The following RPP14 variants were observed in gnomAD, a reference collection of about 807,000 sequenced individuals.
The protein encoded by RPP14 is ribonuclease P/MRP subunit p14, also known as ribonuclease P protein subunit p14.
In RPP14, 19 loss-of-function variants were observed where a neutral mutation model predicts 17.8. The ratio of observed to expected loss-of-function variants is 1.07; its 90% CI spans 0.74 to 1.57. The LOEUF (loss-of-function observed/expected upper bound fraction) is 1.57, where lower values mean the gene tolerates loss of function less well. RPP14 is among the 40% of genes most tolerant of loss of function. The probability of loss-of-function intolerance (pLI) is 0.00; values close to 1 mark genes in which losing one functional copy is unlikely to be tolerated. For synonymous variants in RPP14, 60 were observed against 56.4 expected, an observed-to-expected ratio of 1.06 and a Z score of -0.29; for missense variants, 125 against 140.8, an observed-to-expected ratio of 0.89 and a Z score of 0.57.
intron 3 of RPP14, among the ~76,000 whole-genome samples, chr3:58,316,233 A>G (rs1207572535): frequency 1.3e-5 from 2 of 152,226 alleles, no homozygotes; most frequent in Non-Finnish European, 1.5e-5. Flanking sequence ...GTCCTGTACA[A>G]GAAAGAACAT....
intron 1 of RPP14, 179 bp from the exon 2 acceptor site, chr3:58,310,130 G>A (rs1334518996): frequency 2.1e-5 from 12 of 572,630 alleles, no homozygotes; most frequent in Non-Finnish European, 3.7e-5. Context: ...AGCCTCGAGA[G>A]CCAGAGGTGG....
intron 3 of RPP14, 143 bp from the exon 4 acceptor site, chr3:58,316,372 A>G: frequency 1.5e-6 from 1 of 679,914 alleles, no homozygotes; most frequent in Non-Finnish European, 2.6e-6. Context: ...AGCTGTAAGT[A>G]GGCAACTAAA....
chr3:58,316,849 C>T, intron 4 of RPP14, 66 bp from the exon 5 acceptor site: 4 of 1,324,974 alleles, frequency 3.0e-6, no homozygotes, highest in Non-Finnish European at 4.3e-6. Context: ...ATTTTAGAAA[C>T]CTTAGTTGAA....
At chr3:58,306,584 C>G (rs1199691093) in intron 1 of RPP14, 167 bp downstream of exon 1, 2 of 152,024 alleles carry the variant, frequency 1.3e-5, no homozygotes, top group Admixed American at 1.3e-4. Flanking sequence ...GGCCGCAGAA[C>G]GTGGCCGAGA....
intron 5 of RPP14, 33 bp downstream of exon 5, chr3:58,317,026 G>A: frequency 6.7e-7 from 1 of 1,485,884 alleles, no homozygotes; most frequent in African/African-American, 1.4e-5. Context: ...TTCCAAACAA[G>A]ACTGAGTGAT....
chr3:58,311,163 G>A (rs374358136), intron 3 of RPP14, among the ~76,000 whole-genome samples: 1 of 125,378 alleles, frequency 8.0e-6, no homozygotes, highest in South Asian at 2.6e-4. Context: ...TGTTGTTGTT[G>A]TTTTTCTTTG....
intron 3 of RPP14, among the ~76,000 whole-genome samples, chr3:58,313,695 T>A (rs1348840953): frequency 3.3e-5 from 5 of 152,196 alleles, no homozygotes; most frequent in African/African-American, 1.2e-4. Flanking sequence ...TGTGGTGGTG[T>A]GCACTGATAG....
intron 3 of RPP14, among the ~76,000 whole-genome samples, chr3:58,311,480 T>C (rs1271631312): frequency 6.6e-6 from 1 of 152,180 alleles, no homozygotes; most frequent in East Asian, 1.9e-4. Context: ...CTCTCACATA[T>C]GAGTGAGAAC....
intron 3 of RPP14, among the ~76,000 whole-genome samples, chr3:58,312,051 G>T (rs932335358): frequency 6.6e-6 from 1 of 151,336 alleles, no homozygotes; most frequent in Non-Finnish European, 1.5e-5. Context: ...TACTTGTAGA[G>T]GCAAGGTCTC....
In RPP14 at chr3:58,306,405, C is replaced by A. The variant is rs1348079368; in HGVS notation, c.-34C>A. The A allele has an allele frequency of 1.3e-5, 2 of 152,318 alleles. No individual in the cohort carries two copies. The highest frequency in any genetic ancestry group is 4.8e-5 in the African/African-American group (2 of 41,480). 9.4% of individuals were successfully genotyped at this position (152,318 alleles called of 1,614,324 possible). Reference sequence around the variant, plus strand: ...AGTCTGGTCAGGCGTCAGGCTAGTCCGACGAAGAGTGGGTAGGTGGAAGCC... The same window carrying A: ...AGTCTGGTCAGGCGTCAGGCTAGTCAGACGAAGAGTGGGTAGGTGGAAGCC... On this transcript the variant is annotated 5_prime_UTR_variant, in exon 1 of 6. Coordinates refer to ENST00000295959, the MANE Select transcript of RPP14 (RefSeq NM_007042.6).
At position 58,310,376 on chromosome 3, in the gene RPP14, C is replaced by G. The variant is rs1045927264; in HGVS notation, c.47C>G (p.Pro16Arg). The G allele has an allele frequency of 6.2e-7, 1 of 1,614,162 alleles. No homozygotes were observed. The highest frequency in any genetic ancestry group is 1.3e-5 in the African/African-American group (1 of 75,038). ...ATYERVVYKN[P>R]SEYHYMKVCL... ...TATGAAAGAGTAGTTTACAAAAACC[C>G]TTCCGAGTACCACTACATGAAAGTC... Residue 16 changes from proline (P) to arginine (R), a missense_variant, in exon 2 of 6, where the codon CCT becomes CGT. Physicochemically the swap from Pro to Arg is moderately radical, Grantham distance 103 (BLOSUM62 -2). Transcript: ENST00000295959.
intron 5 of RPP14, 87 bp downstream of exon 5, chr3:58,317,080 C>A: frequency 2.1e-6 from 2 of 956,928 alleles, no homozygotes; most frequent in Non-Finnish European, 3.3e-6. Context: ...TTTGTGCTTG[C>A]ATAAATGTAA....
intron 1 of RPP14, among the ~76,000 whole-genome samples, chr3:58,307,049 A>C (rs1182946753): frequency 6.6e-6 from 1 of 152,138 alleles, no homozygotes; most frequent in African/African-American, 2.4e-5. Flanking sequence ...GGCTGCCTGG[A>C]GGAAGATCTT....
chr3:58,312,352 C>T (rs1260766822), intron 3 of RPP14, among the ~76,000 whole-genome samples: 2 of 139,264 alleles, frequency 1.4e-5, no homozygotes, highest in South Asian at 2.7e-4. Flanking sequence ...CCGCCCCTCC[C>T]GGATTCAAGT....
At chr3:58,310,686 A>T in intron 3 of RPP14, 95 bp downstream of exon 3, 1 of 1,023,956 alleles carries the variant, frequency 9.8e-7, no homozygotes, top group Non-Finnish European at 1.5e-6. Flanking sequence ...TAATCCCAGC[A>T]CTTTGGAGGC....
At chr3:58,316,481 G>C (rs2097488362) in intron 3 of RPP14, 34 bp from the exon 4 acceptor site, 1 of 1,573,390 alleles carries the variant, frequency 6.4e-7, no homozygotes, top group Non-Finnish European at 8.7e-7. Context: ...ATAATGGTGA[G>C]AATAGCCTGC....
At chr3:58,306,798 T>G (rs9871725) in intron 1 of RPP14, 10,735 of 152,178 alleles carry the variant, frequency 0.071, 497 homozygotes, top group South Asian at 0.1. Context: ...TTTAGGGCCT[T>G]GGGAAACAGC....
chr3:58,307,192 G>A (rs772326597), intron 1 of RPP14, among the ~76,000 whole-genome samples: 46 of 152,366 alleles, frequency 3.0e-4, no homozygotes, highest in Admixed American at 3.9e-4. Context: ...GAAGTCAGAG[G>A]TGTAGAGGGA....
chr3:58,310,182 A>G, intron 1 of RPP14, 127 bp from the exon 2 acceptor site: 2 of 662,790 alleles, frequency 3.0e-6, no homozygotes, highest in Admixed American at 2.7e-5. Context: ...ACTTCAGCCT[A>G]GGTGACAGGG....
Sources: allele counts gnomAD v4.1 joint callset (sites outside exome capture counted in the v4.1 genomes callset), GRCh38; gene constraint gnomAD v4.1.1; transcripts MANE v1.5; gene names NCBI Gene and HGNC (gene_info 2026-07-23, HGNC 2026-07-21).